Variants in NUDCD1 observed in about 807,000 individuals in gnomAD.
The protein encoded by NUDCD1 is NudC domain containing 1.
NUDCD1 carries 60 observed loss-of-function variants against 67.8 expected under a neutral mutation model. The observed-to-expected ratio is 0.88, with a 90% CI of 0.72 to 1.10. The LOEUF is 1.10. Among genes scored for constraint, NUDCD1 ranks in the 50% least tolerant of loss-of-function variants. NUDCD1 has a pLI of 0.00. For missense variants in NUDCD1, 643 were observed against 695.0 expected, an observed-to-expected ratio of 0.93 and a Z score of 0.84; for synonymous variants, 244 against 230.8, an observed-to-expected ratio of 1.06 and a Z score of -0.52.
intron 3 of NUDCD1, among the ~76,000 whole-genome samples, chr8:109,294,244 A>C (rs1480324981): frequency 4.6e-5 from 7 of 152,040 alleles, no homozygotes; most frequent in Non-Finnish European, 8.8e-5. Context: ...AAAAACAAAA[A>C]ACAAAAAACA....
intron 8 of NUDCD1, among the ~76,000 whole-genome samples, chr8:109,270,492 A>C (rs1255864656): frequency 6.6e-6 from 1 of 152,154 alleles, no homozygotes; most frequent in East Asian, 1.9e-4. Context: ...CATTAATTTG[A>C]ATTCTGTAAC....
chr8:109,301,102 G>A (rs1315276683), intron 2 of NUDCD1, among the ~76,000 whole-genome samples: 1 of 152,166 alleles, frequency 6.6e-6, no homozygotes, highest in Admixed American at 6.5e-5. Context: ...CCCAAGCTAA[G>A]CCATCATATC....
intron 2 of NUDCD1, among the ~76,000 whole-genome samples, chr8:109,297,578 G>C (rs995892518): frequency 4.6e-5 from 7 of 152,152 alleles, no homozygotes; most frequent in African/African-American, 1.4e-4. Context: ...CTTTCTGGAG[G>C]ATGCAATGTT....
In NUDCD1 at chr8:109,241,466, A is replaced by G. The variant is rs1218236673; in HGVS notation, c.*1543T>C. On this transcript the variant is annotated 3_prime_UTR_variant, in exon 10 of 10. Transcript: ENST00000239690. ...ACAACAATACTAAAAAGTTCTGGAA[A>G]TATCACTGTTTTGGTTTTTGGTTAC... The G allele has an allele frequency of 6.6e-6, 1 of 152,144 alleles. No homozygotes were observed. Among genetic ancestry groups the G allele is most frequent in the African/African-American group, 2.4e-5 (1 of 41,444 alleles). 9.4% of individuals were successfully genotyped at this position (152,144 alleles called of 1,614,324 possible).
rs371668493 is a variant in NUDCD1 at position 109,323,397 on chromosome 8, T to C, written c.119-934A>G. Among the ~76,000 whole-genome samples the C allele has an allele frequency of 2.1e-3, 312 of 152,194 alleles. 6 individuals are homozygous for C. In the South Asian group the frequency reaches 0.031, roughly 15 times the overall value. On this transcript the variant is annotated intron_variant, in intron 1 of 9. Transcript: ENST00000239690. ...TAAAAATAAATAAATAAAATTTCAA[T>C]AGGCATCGATGACACAGTGATGAGC... is the stretch of plus-strand genomic sequence containing the variant.
intron 6 of NUDCD1, among the ~76,000 whole-genome samples, chr8:109,278,333 C>T (rs985004789): frequency 3.3e-5 from 5 of 152,150 alleles, no homozygotes; most frequent in Non-Finnish European, 7.4e-5. Flanking sequence ...TGCAAAATGG[C>T]ACAGTTGTGG....
chr8:109,278,668 C>T (rs1364324276), intron 6 of NUDCD1, among the ~76,000 whole-genome samples: 1 of 152,152 alleles, frequency 6.6e-6, no homozygotes, highest in African/African-American at 2.4e-5. Flanking sequence ...GATTTTTTGT[C>T]TTTGGCTTCT....
intron 8 of NUDCD1, among the ~76,000 whole-genome samples, chr8:109,266,496 G>C (rs372587306): frequency 5.4e-5 from 8 of 148,812 alleles, no homozygotes; most frequent in South Asian, 2.1e-4. Flanking sequence ...CGCCCACCTC[G>C]GCCTCCCAAA....
chr8:109,270,090 A>AGGGGGGGGGGGGGGGGAGGGGGGGGGGGG lies in NUDCD1; in HGVS notation c.1299+914_1299+915insCCCCCCCCCCCCTCCCCCCCCCCCCCCCC, dbSNP rs1563665962. Among the ~76,000 whole-genome samples the AGGGGGGGGGGGGGGGGAGGGGGGGGGGGG allele has an allele frequency of 2.6e-4, 2 of 7,612 alleles. 1 individual carries two copies. Among genetic ancestry groups the AGGGGGGGGGGGGGGGGAGGGGGGGGGGGG allele is most frequent in the Non-Finnish European group, 4.9e-4 (2 of 4,044 alleles). The allele number at this position is 7,612 out of a possible 152,430, so 5.0% of individuals were successfully genotyped here. A position where few individuals can be genotyped will look rare whatever the true frequency, so the allele number is the denominator to read the frequency against. On this transcript the variant is annotated intron_variant, in intron 8 of 9. Transcript: ENST00000239690. ...GGCGGGGGGGGGGGGGGGTGCCTTA[A>AGGGGGGGGGGGGGGGGAGGGGGGGGGGGG]GGTGGGGTGTGAAATATATGCATAT...
chr8:109,274,917 T>C (rs1051318085), intron 7 of NUDCD1, among the ~76,000 whole-genome samples: 1 of 152,136 alleles, frequency 6.6e-6, no homozygotes, highest in Non-Finnish European at 1.5e-5. Context: ...ATGAATTACA[T>C]TATAAAGAAA....
chr8:109,248,721 A>G (rs191887873), intron 8 of NUDCD1, among the ~76,000 whole-genome samples: 13 of 152,092 alleles, frequency 8.5e-5, no homozygotes, highest in African/African-American at 3.1e-4. Context: ...TTGGAAAAAA[A>G]AAAAAAAAAA....
chr8:109,247,836 T>G (rs1784737513), intron 8 of NUDCD1, among the ~76,000 whole-genome samples: 1 of 152,190 alleles, frequency 6.6e-6, no homozygotes, highest in South Asian at 2.1e-4. Flanking sequence ...ATTTATCATA[T>G]TATATTAGAT....
At chr8:109,311,559 G>GTGTATATATATA in intron 2 of NUDCD1, among the ~76,000 whole-genome samples, 40,225 of 125,164 alleles carry the variant, frequency 0.32, 8,362 homozygotes, top group East Asian at 0.45. Flanking sequence ...AAACTGTGGT[G>GTGTATATATATA]TATATATATA....
intron 6 of NUDCD1, among the ~76,000 whole-genome samples, chr8:109,276,486 C>T (rs139102337): frequency 3.9e-5 from 6 of 152,262 alleles, no homozygotes; most frequent in East Asian, 1.9e-4. Flanking sequence ...AAATAGGACA[C>T]GCAAACTTAC....
chr8:109,328,058 C>G (rs1815718566), intron 1 of NUDCD1, among the ~76,000 whole-genome samples: 1 of 152,092 alleles, frequency 6.6e-6, no homozygotes, highest in Non-Finnish European at 1.5e-5. Flanking sequence ...ATCTTTCCAC[C>G]AGAAACATCC....
intron 1 of NUDCD1, 123 bp downstream of exon 1, chr8:109,333,770 C>T: frequency 1.9e-6 from 2 of 1,055,248 alleles, no homozygotes; most frequent in Non-Finnish European, 2.8e-6. Flanking sequence ...CTCCGTGAGT[C>T]CACGCAAGCC....
At chr8:109,246,464 A>G (rs930580297) in intron 8 of NUDCD1, among the ~76,000 whole-genome samples, 1 of 152,202 alleles carries the variant, frequency 6.6e-6, no homozygotes, top group African/African-American at 2.4e-5. Context: ...GTTTAAAACT[A>G]TTTACTTAAA....
rs71564038 is a variant in NUDCD1 at position 109,241,701 on chromosome 8, C to CTG, written c.*1307_*1308insCA. ...TGCAATCCTCATCTTTTTTCCTCCT[C>CTG]TCTGTCATTCATTCGTTCATTAAAA... On this transcript the variant is annotated 3_prime_UTR_variant, in exon 10 of 10. Coordinates refer to ENST00000239690, the MANE Select transcript of NUDCD1 (RefSeq NM_032869.4). 1.2e-3 allele frequency: 204 copies of CTG among 164,060 alleles called. 1 individual carries two copies. The highest frequency in any genetic ancestry group is 4.5e-3 in the African/African-American group (188 of 41,914). 10.2% of individuals were successfully genotyped at this position (164,060 alleles called of 1,614,324 possible). A position where few individuals can be genotyped will look rare whatever the true frequency, so the allele number is the denominator to read the frequency against.
At chr8:109,288,775 A>C (rs969668807) in intron 5 of NUDCD1, among the ~76,000 whole-genome samples, 1 of 152,172 alleles carries the variant, frequency 6.6e-6, no homozygotes, top group Non-Finnish European at 1.5e-5. Context: ...AACTTGTTTA[A>C]CAAAAAAGGG....
Sources: allele counts gnomAD v4.1 joint callset (sites outside exome capture counted in the v4.1 genomes callset), GRCh38; gene constraint gnomAD v4.1.1; transcripts MANE v1.5; gene names NCBI Gene and HGNC (gene_info 2026-07-23, HGNC 2026-07-21).